Variants in PELI1 observed in about 807,000 individuals in gnomAD.
PELI1 encodes the protein E3 ubiquitin-protein ligase pellino homolog 1.
A neutral mutation model predicts 41.3 loss-of-function variants in PELI1; 15 were observed. The ratio of observed to expected loss-of-function variants is 0.36; its 90% CI spans 0.24 to 0.56. The LOEUF (loss-of-function observed/expected upper bound fraction) is 0.56, where lower values mean the gene tolerates loss of function less well. Ranked by LOEUF, PELI1 falls within the 20% of genes least tolerant of loss-of-function variation. The pLI, the probability that PELI1 is intolerant of heterozygous loss-of-function variation, is 0.82. For missense variants in PELI1, 403 were observed against 525.5 expected (o/e 0.77, Z 2.28); for synonymous variants, 178 against 180.1 (o/e 0.99, Z 0.09).
At chr2:64,101,495 T>G (rs1422876819) in intron 3 of PELI1, among the ~76,000 whole-genome samples, 1 of 152,068 alleles carries the variant, frequency 6.6e-6, no homozygotes, top group Non-Finnish European at 1.5e-5. Flanking sequence ...GAGTTGAAGA[T>G]AATATCAAAG....
intron 1 of PELI1, among the ~76,000 whole-genome samples, chr2:64,110,573 A>G (rs1382754171): frequency 6.6e-6 from 1 of 152,244 alleles, no homozygotes; most frequent in East Asian, 1.9e-4. Context: ...AAATATGAGT[A>G]AATACAATCG....
At chr2:64,119,531 T>C (rs1357440155) in intron 1 of PELI1, among the ~76,000 whole-genome samples, 1 of 152,204 alleles carries the variant, frequency 6.6e-6, no homozygotes, top group East Asian at 1.9e-4. Context: ...AAGCACCTCG[T>C]AACGTGTGTA....
At chr2:64,123,900 T>C (rs1025657483) in intron 1 of PELI1, among the ~76,000 whole-genome samples, 1 of 152,246 alleles carries the variant, frequency 6.6e-6, no homozygotes, top group East Asian at 1.9e-4. Flanking sequence ...CAAATGTCCA[T>C]CAACAGTCGG....
intron 1 of PELI1, among the ~76,000 whole-genome samples, chr2:64,120,689 T>C (rs770768689): frequency 6.6e-6 from 1 of 152,258 alleles, no homozygotes; most frequent in Non-Finnish European, 1.5e-5. Context: ...TACTGAATGA[T>C]ACATTGCTAA....
intron 1 of PELI1, among the ~76,000 whole-genome samples, chr2:64,137,217 T>C (rs987644980): frequency 6.6e-6 from 1 of 152,156 alleles, no homozygotes; most frequent in East Asian, 1.9e-4. Flanking sequence ...ACAGTTCTTA[T>C]GGTAAATCAG....
intron 1 of PELI1, among the ~76,000 whole-genome samples, chr2:64,109,900 C>A (rs995742133): frequency 2.0e-5 from 3 of 152,110 alleles, no homozygotes; most frequent in African/African-American, 7.2e-5. Context: ...AAATCTAACA[C>A]GTGTGTCACT....
At chr2:64,140,207 AG>A (rs1272397195) in intron 1 of PELI1, among the ~76,000 whole-genome samples, 1 of 152,230 alleles carries the variant, frequency 6.6e-6, no homozygotes, top group Non-Finnish European at 1.5e-5. Flanking sequence ...TTTTCTGAAA[AG>A]GAAGTAAATT....
chr2:64,124,053 G>A (rs914240121), intron 1 of PELI1, among the ~76,000 whole-genome samples: 1 of 152,156 alleles, frequency 6.6e-6, no homozygotes, highest in Non-Finnish European at 1.5e-5. Flanking sequence ...ATCACATATT[G>A]TATGATTCCA....
At chr2:64,120,058 G>A (rs1308519224) in intron 1 of PELI1, among the ~76,000 whole-genome samples, 1 of 152,118 alleles carries the variant, frequency 6.6e-6, no homozygotes. Context: ...GATCACACTT[G>A]TTTATTTCCA....
intron 1 of PELI1, among the ~76,000 whole-genome samples, chr2:64,119,770 A>G (rs1342400476): frequency 6.6e-6 from 1 of 152,236 alleles, no homozygotes; most frequent in Non-Finnish European, 1.5e-5. Context: ...CTTAAAAAGC[A>G]GCCTGAATTA....
At chr2:64,132,320 C>T (rs765886188) in intron 1 of PELI1, among the ~76,000 whole-genome samples, 33 of 152,174 alleles carry the variant, frequency 2.2e-4, no homozygotes, top group Admixed American at 3.9e-4. Context: ...AGTGCTAACA[C>T]AACTCTCAAA....
chr2:64,106,712 A>G (rs1367909468), intron 2 of PELI1, among the ~76,000 whole-genome samples: 1 of 152,212 alleles, frequency 6.6e-6, no homozygotes, highest in Non-Finnish European at 1.5e-5. Context: ...AAGGTCACAC[A>G]GCTAGCAGTG....
At chr2:64,136,892 G>C (rs779251890) in intron 1 of PELI1, among the ~76,000 whole-genome samples, 16 of 152,128 alleles carry the variant, frequency 1.1e-4, no homozygotes, top group Non-Finnish European at 1.6e-4. Context: ...ACAGAGCAAG[G>C]CTCTGTCTCA....
chr2:64,104,458 C>CA (rs900595237), intron 3 of PELI1: 4 of 401,664 alleles, frequency 1.0e-5, no homozygotes, highest in African/African-American at 8.2e-5. Flanking sequence ...AATAAGGAAA[C>CA]AGAGTGTTTC....
intron 3 of PELI1, among the ~76,000 whole-genome samples, chr2:64,103,093 T>C (rs1680500858): frequency 6.6e-6 from 1 of 152,132 alleles, no homozygotes; most frequent in African/African-American, 2.4e-5. Context: ...TCCGCCCACC[T>C]TGGCCTCTCA....
intron 1 of PELI1, among the ~76,000 whole-genome samples, chr2:64,116,698 A>T (rs1451951932): frequency 1.3e-5 from 2 of 152,206 alleles, no homozygotes; most frequent in Non-Finnish European, 2.9e-5. Context: ...TTGCTGAAAC[A>T]ATTGAGTTTT....
At chr2:64,096,072 C>T (rs1036001112) in intron 6 of PELI1, 53 bp downstream of exon 6, 3 of 1,237,894 alleles carry the variant, frequency 2.4e-6, no homozygotes. Context: ...TTCAGTTCTA[C>T]TCATCCTATG....
At chr2:64,123,710 G>C (rs945788458) in intron 1 of PELI1, among the ~76,000 whole-genome samples, 1 of 152,166 alleles carries the variant, frequency 6.6e-6, no homozygotes, top group African/African-American at 2.4e-5. Context: ...GTAAAATGGT[G>C]TAGTTACTTT....
rs534663005 is a variant in PELI1, at chr2:64,094,650, CA to C, written c.*51del. ...GACGTGGACAACAGGTTCGAAAACC[CA>C]ACTCACTTAGCTTATAAATTTATAA... On this transcript the variant is annotated 3_prime_UTR_variant, in exon 7 of 7. Transcript: ENST00000358912. 7.2e-6 allele frequency: 10 copies of C among 1,383,892 alleles called. No individual in the cohort carries two copies. Among genetic ancestry groups the C allele is most frequent in the Non-Finnish European group, 1.0e-5 (10 of 993,958 alleles). The allele number at this position is 1,383,892 out of a possible 1,614,324, so 85.7% of individuals were successfully genotyped here.
Sources: allele counts gnomAD v4.1 joint callset (sites outside exome capture counted in the v4.1 genomes callset), GRCh38; gene constraint gnomAD v4.1.1; transcripts MANE v1.5; gene names NCBI Gene and HGNC (gene_info 2026-07-23, HGNC 2026-07-21).